The following OTUD7A variants were observed in gnomAD, a reference collection of about 807,000 sequenced individuals.
OTUD7A encodes the protein OTU deubiquitinase 7A, also known as OTU domain-containing protein 7A.
Under a neutral mutation model 65.7 loss-of-function variants are expected in OTUD7A, and 12 were observed. The ratio of observed to expected loss-of-function variants is 0.18; its 90% confidence interval spans 0.12 to 0.30. The LOEUF (loss-of-function observed/expected upper bound fraction) is 0.30, where lower values mean the gene tolerates loss of function less well. OTUD7A is among the 10% of genes least tolerant of loss of function. The probability of loss-of-function intolerance (pLI) is 1.00; values close to 1 mark genes in which losing one functional copy is unlikely to be tolerated. For missense variants in OTUD7A, 1,148 were observed against 1,304.8 expected (o/e 0.88, Z 1.85); for synonymous variants, 641 against 586.3 (o/e 1.09, Z -1.35).
chr15:31,505,414 G>A (rs963407864), intron 8 of OTUD7A, among the ~76,000 whole-genome samples: 1 of 152,088 alleles, frequency 6.6e-6, no homozygotes, highest in Non-Finnish European at 1.5e-5. Flanking sequence ...TTTTTATTAT[G>A]GCTAGCAGAT....
intron 1 of OTUD7A, among the ~76,000 whole-genome samples, chr15:31,665,996 C>G (rs1892309746): frequency 6.6e-6 from 1 of 150,400 alleles, no homozygotes; most frequent in South Asian, 2.1e-4. Flanking sequence ...CTTCATCCCT[C>G]GTATGAAACC....
At chr15:31,528,163 T>G (rs776167817) in intron 6 of OTUD7A, among the ~76,000 whole-genome samples, 1 of 152,180 alleles carries the variant, frequency 6.6e-6, no homozygotes, top group African/African-American at 2.4e-5. Context: ...GAAGTGAGGA[T>G]AGCCACGAGG....
Position 31,681,316 on chromosome 15 carries a change from C to T in OTUD7A, c.-99-24239G>A, listed in dbSNP as rs1892709539. 2.0e-5 allele frequency among the ~76,000 whole-genome samples: 3 copies of T among 152,076 alleles called. No homozygotes were observed. The South Asian group carries it at 6.2e-4, about 32-fold the overall frequency. Reference sequence around the variant, plus strand: ...GTCTCCATCCATCCATCCATCCATGCACCCACCCACCCAGCCACCCACCTA... The same window carrying T: ...GTCTCCATCCATCCATCCATCCATGTACCCACCCACCCAGCCACCCACCTA... On this transcript the variant is annotated intron_variant, in intron 1 of 12. Transcript: ENST00000307050.
chr15:31,531,738 T>G (rs1887631935), intron 5 of OTUD7A, among the ~76,000 whole-genome samples: 2 of 152,026 alleles, frequency 1.3e-5, no homozygotes, highest in Admixed American at 1.3e-4. Flanking sequence ...TGTAACAAGG[T>G]GCTCATCACT....
intron 1 of OTUD7A, among the ~76,000 whole-genome samples, chr15:31,758,241 T>TCA (rs145396893): frequency 7.7e-4 from 115 of 150,222 alleles, no homozygotes; most frequent in South Asian, 1.5e-3. Context: ...AACATGTCTG[T>TCA]CACACACACA....
chr15:31,753,721 T>TAACCTGTGATATATATATATATATTA (rs879561188), intron 1 of OTUD7A, among the ~76,000 whole-genome samples: 1 of 106,778 alleles, frequency 9.4e-6, no homozygotes, highest in African/African-American at 5.0e-5. Context: ...TATATATATA[T>TAACCTGTGATATATATATATATATTA]TATATATATA....
At chr15:31,759,530 G>A (rs1894904402) in intron 1 of OTUD7A, among the ~76,000 whole-genome samples, 1 of 152,168 alleles carries the variant, frequency 6.6e-6, no homozygotes, top group Admixed American at 6.5e-5. Flanking sequence ...ACATTGGCAT[G>A]CATTTTTGCC....
chr15:31,546,873 C>G (rs1159545880), intron 5 of OTUD7A, among the ~76,000 whole-genome samples: 1 of 152,162 alleles, frequency 6.6e-6, no homozygotes, highest in Non-Finnish European at 1.5e-5. Context: ...AGAACTTAAC[C>G]CATTCATGAT....
At chr15:31,736,802 G>A (rs1488236096) in intron 1 of OTUD7A, among the ~76,000 whole-genome samples, 1 of 151,662 alleles carries the variant, frequency 6.6e-6, no homozygotes, top group Non-Finnish European at 1.5e-5. Context: ...GTATTTGTAT[G>A]ACTTTGGCTT....
In OTUD7A at chr15:31,599,454, T is replaced by C. The variant is rs938045395; in HGVS notation, c.152-29257A>G. ...AGGAAAACTAACAAACAGAAAGGAA[T>C]AGCACATTCACTCAGAGATCCCATC... On this transcript the variant is annotated intron_variant, in intron 3 of 12. Transcript: ENST00000307050. Among the ~76,000 whole-genome samples, 4 of 152,170 alleles carry C rather than the reference T, an allele frequency of 2.6e-5. 1 individual carries two copies. The highest frequency in any genetic ancestry group is 6.5e-5 in the Admixed American group (1 of 15,288).
At chr15:31,627,778 C>A (rs567406739) in intron 3 of OTUD7A, among the ~76,000 whole-genome samples, 2 of 152,268 alleles carry the variant, frequency 1.3e-5, no homozygotes, top group East Asian at 3.9e-4. Flanking sequence ...TTAATGATCG[C>A]CATTCTAAGT....
At chr15:31,506,558 G>A (rs1479820092) in intron 8 of OTUD7A, among the ~76,000 whole-genome samples, 3 of 152,128 alleles carry the variant, frequency 2.0e-5, no homozygotes, top group Admixed American at 1.3e-4. Flanking sequence ...TGAAATGCTA[G>A]AGTGAAGGAC....
In OTUD7A at chr15:31,477,473, A is replaced by G. The variant is rs370650493; in HGVS notation, c.*5821T>C. 20 of 152,346 alleles carry G rather than the reference A, an allele frequency of 1.3e-4. No individual in the cohort carries two copies. Among genetic ancestry groups the G allele is most frequent in the Middle Eastern group, 3.4e-3 (1 of 294 alleles). 9.4% of individuals were successfully genotyped at this position (152,346 alleles called of 1,614,324 possible). On this transcript the variant is annotated 3_prime_UTR_variant, in exon 13 of 13. Coordinates refer to ENST00000307050, the MANE Select transcript of OTUD7A (RefSeq NM_001382637.1). ...AGCCTCATATTTGTGAGGTGGGGCT[A>G]GCGGCAGGGCAGGCATTCACTTGTC...
intron 1 of OTUD7A, among the ~76,000 whole-genome samples, chr15:31,668,555 T>G (rs1289301039): frequency 1.3e-5 from 2 of 152,202 alleles, no homozygotes; most frequent in Non-Finnish European, 2.9e-5. Context: ...TTCCCTTCTT[T>G]TATTGTTTTT....
intron 1 of OTUD7A, among the ~76,000 whole-genome samples, chr15:31,776,358 C>T (rs1895379722): frequency 6.6e-6 from 1 of 152,194 alleles, no homozygotes; most frequent in South Asian, 2.1e-4. Context: ...CTGGTTGGGT[C>T]TTCTTGCTCA....
rs1322087451 is a variant in OTUD7A, at chr15:31,610,591, AATTAT to A, written c.152-40399_152-40395del. ...GCCTCAATAAATTTAAGAAAAATGA[AATTAT>A]ATATATATATATATATATATATTTT... is the stretch of plus-strand genomic sequence containing the variant. On this transcript the variant is annotated intron_variant, in intron 3 of 12. Coordinates refer to ENST00000307050, the MANE Select transcript of OTUD7A (RefSeq NM_001382637.1). 4.3e-4 allele frequency among the ~76,000 whole-genome samples: 47 copies of A among 110,398 alleles called. 1 individual carries two copies. The highest frequency in any genetic ancestry group is 6.3e-4 in the Non-Finnish European group (36 of 56,742). 72.4% of individuals were successfully genotyped at this position (110,398 alleles called of 152,430 possible).
intron 1 of OTUD7A, among the ~76,000 whole-genome samples, chr15:31,740,942 A>G (rs954694911): frequency 2.6e-5 from 4 of 152,258 alleles, no homozygotes; most frequent in African/African-American, 7.2e-5. Flanking sequence ...GCTAGTGATA[A>G]AAAGAATTAC....
At chr15:31,593,165 T>C (rs1439392554) in intron 3 of OTUD7A, among the ~76,000 whole-genome samples, 2 of 151,878 alleles carry the variant, frequency 1.3e-5, no homozygotes, top group East Asian at 3.9e-4. Flanking sequence ...TACAATGTCA[T>C]TCGGTGATAG....
In OTUD7A at chr15:31,797,698, G is replaced by A. The variant is rs747369430; in HGVS notation, c.-100+72809C>T. The stretch of plus-strand genomic sequence containing the variant: ...CCCAAACTCTATCCTAAGCCTGGAC[G>A]CATGCTTACAGAATTTTAAGTGCCC... On this transcript the variant is annotated intron_variant, in intron 1 of 12. Coordinates refer to ENST00000307050, the MANE Select transcript of OTUD7A (RefSeq NM_001382637.1). Among the ~76,000 whole-genome samples, 8 of 152,294 alleles carry A rather than the reference G, an allele frequency of 5.3e-5. 1 individual carries two copies. Among genetic ancestry groups the A allele is most frequent in the Middle Eastern group, 3.4e-3 (1 of 294 alleles).
Sources: allele counts gnomAD v4.1 joint callset (sites outside exome capture counted in the v4.1 genomes callset), GRCh38; gene constraint gnomAD v4.1.1; transcripts MANE v1.5; gene names NCBI Gene and HGNC (gene_info 2026-07-23, HGNC 2026-07-21).